SNX30: variants seen among roughly 807,000 people sequenced by gnomAD.
SNX30 encodes the protein sorting nexin-30.
A neutral mutation model predicts 46.4 loss-of-function variants in SNX30; 24 were observed. That is an observed-to-expected ratio of 0.52 (90% CI 0.37 to 0.73). The LOEUF is 0.73. Ranked by LOEUF, SNX30 falls within the 30% of genes least tolerant of loss-of-function variation. The pLI is 0.00. For missense variants in SNX30, 533 were observed against 555.7 expected (o/e 0.96, Z 0.41); for synonymous variants, 189 against 211.5 (o/e 0.89, Z 0.92).
At chr9:112,841,203 A>C (rs542525932) in intron 6 of SNX30, among the ~76,000 whole-genome samples, 28 of 152,144 alleles carry the variant, frequency 1.8e-4, no homozygotes, top group Admixed American at 6.5e-5. Context: ...CTGGGATACT[A>C]TAGTACAAAT....
chr9:112,793,155 T>A (rs2033790769), intron 1 of SNX30, among the ~76,000 whole-genome samples: 1 of 152,182 alleles, frequency 6.6e-6, no homozygotes, highest in South Asian at 2.1e-4. Context: ...TGTTTCTACT[T>A]GATGTTGTTA....
intron 3 of SNX30, among the ~76,000 whole-genome samples, chr9:112,825,644 C>G (rs537945154): frequency 6.6e-6 from 1 of 151,884 alleles, no homozygotes; most frequent in Non-Finnish European, 1.5e-5. Flanking sequence ...TATAGACATT[C>G]TACCTGTAAG....
rs1029905849 is a variant in SNX30, at chr9:112,871,878, C to T, written c.*3035C>T. 6.6e-6 allele frequency: 1 copy of T among 152,184 alleles called. No homozygotes were observed. Among genetic ancestry groups the T allele is most frequent in the Non-Finnish European group, 1.5e-5 (1 of 68,042 alleles). 9.4% of individuals were successfully genotyped at this position (152,184 alleles called of 1,614,324 possible). ...CTGCTCAGAGCGAGGAACCACTGCTCCTCAATGGGGAGGGAACATACCACC... is the reference window on the plus strand; with the variant it reads ...CTGCTCAGAGCGAGGAACCACTGCTTCTCAATGGGGAGGGAACATACCACC... On this transcript the variant is annotated 3_prime_UTR_variant, in exon 9 of 9. Transcript: ENST00000374232.
chr9:112,786,477 G>C (rs187354695), intron 1 of SNX30, among the ~76,000 whole-genome samples: 1 of 151,850 alleles, frequency 6.6e-6, no homozygotes, highest in Non-Finnish European at 1.5e-5. Context: ...AAGTAAGGCT[G>C]TAAGAGTTTT....
Position 112,834,748 on chromosome 9 carries a change from G to T in SNX30, c.619-1466G>T, listed in dbSNP as rs140841288. Among the ~76,000 whole-genome samples the T allele has an allele frequency of 1.1e-4, 16 of 152,122 alleles. No homozygotes were observed. The East Asian group carries it at 2.5e-3, about 24-fold the overall frequency. On this transcript the variant is annotated intron_variant, in intron 4 of 8. Coordinates refer to ENST00000374232, the MANE Select transcript of SNX30 (RefSeq NM_001012994.2). ...GAAGGACAGAGAGATTCTGTTTCCTGAGGCTTAACACACCCAACATTATAG... is the reference window on the plus strand; with the variant it reads ...GAAGGACAGAGAGATTCTGTTTCCTTAGGCTTAACACACCCAACATTATAG...
At chr9:112,862,988 G>T (rs1238886951) in intron 7 of SNX30, among the ~76,000 whole-genome samples, 1 of 151,936 alleles carries the variant, frequency 6.6e-6, no homozygotes, top group Non-Finnish European at 1.5e-5. Context: ...GCTCATCCTG[G>T]TTTCACCCAT....
intron 6 of SNX30, among the ~76,000 whole-genome samples, chr9:112,846,778 C>T (rs374975108): frequency 2.0e-5 from 3 of 152,282 alleles, no homozygotes; most frequent in African/African-American, 2.4e-5. Context: ...CCTAGCTCCC[C>T]TCTTCCACAA....
intron 1 of SNX30, among the ~76,000 whole-genome samples, chr9:112,756,462 T>TGG (rs1839351165): frequency 1.5e-5 from 1 of 67,528 alleles, no homozygotes; most frequent in Non-Finnish European, 2.8e-5. Context: ...TTTTTTTTTT[T>TGG]GGGATGGAGT....
At chr9:112,844,648 G>A (rs1031163188) in intron 6 of SNX30, among the ~76,000 whole-genome samples, 1 of 152,168 alleles carries the variant, frequency 6.6e-6, no homozygotes, top group African/African-American at 2.4e-5. Context: ...TAAGAAGGGG[G>A]CAAAATATAT....
At position 112,868,946 on chromosome 9, in the gene SNX30, C is replaced by T; in HGVS notation, c.*103C>T. 9.1e-7 allele frequency: 1 copy of T among 1,102,578 alleles called. No individual in the cohort carries two copies. The highest frequency in any genetic ancestry group is 2.4e-5 in the East Asian group (1 of 42,484). 68.3% of individuals were successfully genotyped at this position (1,102,578 alleles called of 1,614,324 possible). A position where few individuals can be genotyped will look rare whatever the true frequency, so the allele number is the denominator to read the frequency against. On this transcript the variant is annotated 3_prime_UTR_variant, in exon 9 of 9. Coordinates refer to ENST00000374232, the MANE Select transcript of SNX30 (RefSeq NM_001012994.2). ...AGACGCAGTGCTGGGAAAACAACCA[C>T]AGAAACATCTCTCCTTTGTGTATTT...
At chr9:112,762,597 C>T (rs563913456) in intron 1 of SNX30, among the ~76,000 whole-genome samples, 1 of 152,268 alleles carries the variant, frequency 6.6e-6, no homozygotes, top group South Asian at 2.1e-4. Flanking sequence ...TTGGGATTAT[C>T]TTACAGGGGG....
chr9:112,788,717 C>T (rs570768981), intron 1 of SNX30, among the ~76,000 whole-genome samples: 1 of 152,112 alleles, frequency 6.6e-6, no homozygotes, highest in African/African-American at 2.4e-5. Context: ...GAATGCCTTC[C>T]TTAGGTTTAT....
intron 1 of SNX30, among the ~76,000 whole-genome samples, chr9:112,782,089 G>A (rs62576391): frequency 0.069 from 10,399 of 151,290 alleles, 458 homozygotes; most frequent in Non-Finnish European, 0.1. Flanking sequence ...TTTTTGAGAC[G>A]GAGTTTTGCT....
intron 4 of SNX30, among the ~76,000 whole-genome samples, chr9:112,832,829 A>ATATAG (rs1296584862): frequency 1.4e-5 from 2 of 146,742 alleles, no homozygotes; most frequent in Non-Finnish European, 3.0e-5. Context: ...ATTAATATAT[A>ATATAG]ATAAATATAT....
chr9:112,851,570 T>C (rs1841027339), intron 7 of SNX30, among the ~76,000 whole-genome samples: 1 of 152,336 alleles, frequency 6.6e-6, no homozygotes, highest in African/African-American at 2.4e-5. Context: ...CTGGCTCCAG[T>C]GTTTGTAACT....
downstream of SNX30, chr9:112,879,633 G>T: frequency 2.5e-6 from 2 of 793,938 alleles, no homozygotes; most frequent in Non-Finnish European, 4.1e-6. Flanking sequence ...TCATTCTGAG[G>T]CCAACTCTGG....
In SNX30 at chr9:112,869,555, T is replaced by G. The variant is rs1377681574; in HGVS notation, c.*712T>G. The stretch of plus-strand genomic sequence containing the variant: ...CAGGGGAATGCTCCCCAAGCTTGTT[T>G]CTGACACTAGAATGCAACAGATTGG... On this transcript the variant is annotated 3_prime_UTR_variant, in exon 9 of 9. Coordinates refer to ENST00000374232, the MANE Select transcript of SNX30 (RefSeq NM_001012994.2). The G allele has an allele frequency of 6.6e-6, 1 of 152,092 alleles. No homozygotes were observed. The highest frequency in any genetic ancestry group is 1.5e-5 in the Non-Finnish European group (1 of 68,026). 9.4% of individuals were successfully genotyped at this position (152,092 alleles called of 1,614,324 possible). A position where few individuals can be genotyped will look rare whatever the true frequency, so the allele number is the denominator to read the frequency against.
At chr9:112,783,834 T>C (rs1268902837) in intron 1 of SNX30, among the ~76,000 whole-genome samples, 3 of 152,210 alleles carry the variant, frequency 2.0e-5, no homozygotes, top group African/African-American at 7.2e-5. Flanking sequence ...CAGGTATCAC[T>C]GAAGCAAATT....
chr9:112,884,467 G>A (rs1007416867), downstream of SNX30, among the ~76,000 whole-genome samples: 7 of 152,122 alleles, frequency 4.6e-5, no homozygotes, highest in African/African-American at 1.4e-4. Flanking sequence ...GTGACTTTGC[G>A]GAAAGGAAAG....
Sources: gnomAD v4.1 joint callset for allele counts (sites outside exome capture counted in the v4.1 genomes callset) on GRCh38, gnomAD v4.1.1 for gene constraint, MANE v1.5 for transcripts, NCBI Gene and HGNC (gene_info 2026-07-23, HGNC 2026-07-21) for gene names.